Variants in GSE1 observed in about 807,000 individuals in gnomAD.
The protein encoded by GSE1 is genetic suppressor element 1.
A neutral mutation model predicts 112.6 loss-of-function variants in GSE1; 32 were observed. The observed-to-expected ratio is 0.28, with a 90% CI of 0.21 to 0.38. The LOEUF (loss-of-function observed/expected upper bound fraction) is 0.38. GSE1 is among the 10% of genes least tolerant of loss of function. The pLI is 1.00. For missense variants in GSE1, 2,348 were observed against 1,699.2 expected, an observed-to-expected ratio of 1.38 and a Z score of -6.71; for synonymous variants, 1,115 against 735.6, an observed-to-expected ratio of 1.52 and a Z score of -8.35.
chr16:85,511,022 C>T (rs564617671), intron 2 of GSE1, among the ~76,000 whole-genome samples: 22 of 152,212 alleles, frequency 1.4e-4, no homozygotes, highest in Admixed American at 2.0e-4. Flanking sequence ...AGCACGTACC[C>T]GTAAAGCTCC....
At chr16:85,178,534 G>A (rs1365522111) in intron 1 of GSE1, among the ~76,000 whole-genome samples, 1 of 152,112 alleles carries the variant, frequency 6.6e-6, no homozygotes, top group East Asian at 1.9e-4. Flanking sequence ...CCGGGCCATG[G>A]TATTTTAAAG....
chr16:85,653,933 C>A (rs1441504813), intron 3 of GSE1, among the ~76,000 whole-genome samples: 1 of 152,102 alleles, frequency 6.6e-6, no homozygotes, highest in Non-Finnish European at 1.5e-5. Flanking sequence ...GATGTCCACA[C>A]CAGGAGGGGT....
At chr16:85,235,581 G>T (rs1405976514) in intron 1 of GSE1, among the ~76,000 whole-genome samples, 1 of 150,300 alleles carries the variant, frequency 6.7e-6, no homozygotes, top group Non-Finnish European at 1.5e-5. Flanking sequence ...GTGGGTGGGG[G>T]GGGGGCGCGT....
At chr16:85,473,209 A>T (rs1437348918) in intron 2 of GSE1, among the ~76,000 whole-genome samples, 1 of 152,248 alleles carries the variant, frequency 6.6e-6, no homozygotes, top group African/African-American at 2.4e-5. Flanking sequence ...CTGAGACAGC[A>T]TTGAGTAAAA....
chr16:85,188,168 C>T (rs930236651), intron 1 of GSE1, among the ~76,000 whole-genome samples: 1 of 152,206 alleles, frequency 6.6e-6, no homozygotes, highest in Non-Finnish European at 1.5e-5. Context: ...ACCCCGTGGG[C>T]TCCCAGTGCT....
At chr16:85,218,650 C>G (rs898701478) in intron 1 of GSE1, among the ~76,000 whole-genome samples, 1 of 152,188 alleles carries the variant, frequency 6.6e-6, no homozygotes, top group African/African-American at 2.4e-5. Flanking sequence ...GGAGTAAGAA[C>G]AGGCCTGTGG....
At chr16:85,634,357 T>A (rs1422501463) in intron 2 of GSE1, among the ~76,000 whole-genome samples, 1 of 152,190 alleles carries the variant, frequency 6.6e-6, no homozygotes, top group Non-Finnish European at 1.5e-5. Context: ...CCTCTGTCCT[T>A]CCTCGGCCCC....
intron 1 of GSE1, among the ~76,000 whole-genome samples, chr16:85,281,931 T>C (rs917232428): frequency 1.3e-5 from 2 of 152,156 alleles, no homozygotes; most frequent in African/African-American, 4.8e-5. Context: ...GTCCCCAGGT[T>C]TGCCACCCAC....
chr16:85,491,398 T>A (rs2051005112), intron 2 of GSE1, among the ~76,000 whole-genome samples: 1 of 151,954 alleles, frequency 6.6e-6, no homozygotes, highest in Non-Finnish European at 1.5e-5. Flanking sequence ...AGGTGGGGTG[T>A]TGGAAGATGC....
chr16:85,291,992 A>G lies in GSE1; in HGVS notation c.2284-65471A>G, dbSNP rs1354539877. Among the ~76,000 whole-genome samples the G allele has an allele frequency of 2.0e-5, 3 of 152,190 alleles. No individual in the cohort carries two copies. The East Asian group carries it at 5.8e-4, about 29-fold the overall frequency. On this transcript the variant is annotated intron_variant, in intron 1 of 2. Transcript: ENST00000637419. ...TGGGAGCCCCGTAAAGGAGGCAGAG[A>G]GGTGATCAGGAAATCCACCCTCAGC...
intron 2 of GSE1, among the ~76,000 whole-genome samples, chr16:85,536,279 G>C (rs560736411): frequency 3.2e-4 from 48 of 152,332 alleles, no homozygotes; most frequent in African/African-American, 1.1e-3. Flanking sequence ...AGGAGGTGTC[G>C]ACTGGGGCTC....
At chr16:85,279,095 G>A (rs1332310725) in intron 1 of GSE1, 1 of 152,250 alleles carries the variant, frequency 6.6e-6, no homozygotes, top group East Asian at 1.9e-4. Flanking sequence ...CTTCCCAGCT[G>A]ATGGAGAAAT....
At chr16:85,634,611 C>T (rs1453748685) in intron 2 of GSE1, among the ~76,000 whole-genome samples, 1 of 152,110 alleles carries the variant, frequency 6.6e-6, no homozygotes, top group Non-Finnish European at 1.5e-5. Flanking sequence ...ACAGCTGAAC[C>T]CACCACTGCT....
chr16:85,369,391 A>AT, intron 2 of GSE1, among the ~76,000 whole-genome samples: 1 of 144,234 alleles, frequency 6.9e-6, no homozygotes, highest in South Asian at 2.3e-4. Context: ...TAATGTTTGT[A>AT]TTTTTGTAGA....
At chr16:85,606,765 C>G (rs904013575), upstream of GSE1, among the ~76,000 whole-genome samples, 5 of 152,184 alleles carry the variant, frequency 3.3e-5, no homozygotes, top group South Asian at 2.1e-4. Flanking sequence ...GGCCGTCTGG[C>G]TAGCAGGGGC....
At chr16:85,486,339 A>C (rs1257072407) in intron 2 of GSE1, among the ~76,000 whole-genome samples, 1 of 152,074 alleles carries the variant, frequency 6.6e-6, no homozygotes, top group Non-Finnish European at 1.5e-5. Context: ...GCATGTTGTC[A>C]CGTGCACACG....
At chr16:85,626,740 C>T (rs934767800) in intron 1 of GSE1, among the ~76,000 whole-genome samples, 6 of 152,122 alleles carry the variant, frequency 3.9e-5, no homozygotes, top group East Asian at 1.9e-4. Context: ...GGGGAAGAGC[C>T]GGGATGAAAG....
intron 1 of GSE1, among the ~76,000 whole-genome samples, chr16:85,331,525 A>G (rs200270909): frequency 1.9e-4 from 9 of 46,906 alleles, no homozygotes; most frequent in South Asian, 2.0e-3. Context: ...ATGTGTATAT[A>G]TGTGTATATG....
At chr16:85,456,639 T>TGTGTGG (rs1491261060) in intron 2 of GSE1, among the ~76,000 whole-genome samples, 2 of 143,254 alleles carry the variant, frequency 1.4e-5, no homozygotes, top group Admixed American at 1.4e-4. Context: ...TGTGTGTGTG[T>TGTGTGG]GGTCTGCCAT....
Sources: gnomAD v4.1 joint callset for allele counts (sites outside exome capture counted in the v4.1 genomes callset) on GRCh38, gnomAD v4.1.1 for gene constraint, MANE v1.5 for transcripts, NCBI Gene and HGNC (gene_info 2026-07-23, HGNC 2026-07-21) for gene names.